Variants in ZNF76 observed in about 807,000 individuals in gnomAD.
The protein encoded by ZNF76 is zinc finger protein 523.
In ZNF76, 66 loss-of-function variants were observed where a neutral mutation model predicts 66.9. The ratio of observed to expected loss-of-function variants is 0.99; its 90% confidence interval spans 0.81 to 1.21. The LOEUF (loss-of-function observed/expected upper bound fraction) is 1.21. ZNF76 is among the 50% of genes most tolerant of loss of function. The pLI, the probability that ZNF76 is intolerant of heterozygous loss-of-function variation, is 0.00. For synonymous variants in ZNF76, 275 were observed against 296.1 expected, an observed-to-expected ratio of 0.93 and a Z score of 0.73; for missense variants, 729 against 760.3, an observed-to-expected ratio of 0.96 and a Z score of 0.48.
rs1333417243 is a variant in ZNF76 at position 35,286,496 on chromosome 6, G to A, written c.232+97G>A. ...GGATGGGATGGCACACAACTGGGGTGTAGACATGGGAGCTGTCATCTCCAT... is the reference window on the plus strand; with the variant it reads ...GGATGGGATGGCACACAACTGGGGTATAGACATGGGAGCTGTCATCTCCAT... On this transcript the variant is annotated intron_variant, in intron 4 of 13. Transcript: ENST00000373953. 10 of 1,129,312 alleles carry A rather than the reference G, an allele frequency of 8.9e-6. No individual in the cohort carries two copies. In the South Asian group the frequency reaches 1.0e-4, roughly 11 times the overall value. 70.0% of individuals were successfully genotyped at this position (1,129,312 alleles called of 1,614,324 possible). A position where few individuals can be genotyped will look rare whatever the true frequency, so the allele number is the denominator to read the frequency against.
At chr6:35,270,920 T>A (rs1411564650) in intron 1 of ZNF76, among the ~76,000 whole-genome samples, 1 of 152,166 alleles carries the variant, frequency 6.6e-6, no homozygotes, top group Non-Finnish European at 1.5e-5. Context: ...AGGCAGAGGT[T>A]GCAGTGAGCC....
intron 1 of ZNF76, among the ~76,000 whole-genome samples, chr6:35,268,561 G>A (rs1786506679): frequency 6.6e-6 from 1 of 152,084 alleles, no homozygotes. Flanking sequence ...CCGCACTTTG[G>A]GAGGCTGAGA....
chr6:35,285,252 A>G (rs1242637933), intron 2 of ZNF76, among the ~76,000 whole-genome samples: 1 of 152,212 alleles, frequency 6.6e-6, no homozygotes, highest in Non-Finnish European at 1.5e-5. Flanking sequence ...AATTGAAATG[A>G]AAAATGAGAG....
At chr6:35,286,301 C>G (rs771327528) in intron 3 of ZNF76, 21 bp from the exon 4 acceptor site, 1 of 1,614,024 alleles carries the variant, frequency 6.2e-7, no homozygotes, top group Non-Finnish European at 8.5e-7. Context: ...CAGGGAAAGG[C>G]AGGCATTGCT....
intron 1 of ZNF76, among the ~76,000 whole-genome samples, chr6:35,261,553 C>G (rs895942647): frequency 2.0e-5 from 3 of 152,114 alleles, no homozygotes; most frequent in Non-Finnish European, 4.4e-5. Context: ...GAACCAGAAA[C>G]TCTCACAGCT....
intron 12 of ZNF76, 69 bp from the exon 13 acceptor site, chr6:35,294,387 T>C (rs1181905533): frequency 9.5e-7 from 1 of 1,051,350 alleles, no homozygotes; most frequent in Admixed American, 1.7e-5. Context: ...ATTGGAGGGA[T>C]GTTTATTTGG....
At chr6:35,294,886 C>T in intron 13 of ZNF76, 1 of 574,886 alleles carries the variant, frequency 1.7e-6, no homozygotes. Flanking sequence ...CACCACGGTT[C>T]TCTTCAGCCA....
At chr6:35,267,078 C>T (rs958495524) in intron 1 of ZNF76, among the ~76,000 whole-genome samples, 3 of 151,836 alleles carry the variant, frequency 2.0e-5, no homozygotes, top group Non-Finnish European at 2.9e-5. Flanking sequence ...GGATTACAGG[C>T]TTGAGCCACT....
intron 3 of ZNF76, 47 bp downstream of exon 3, chr6:35,286,255 G>A (rs1468398253): frequency 6.2e-7 from 1 of 1,612,274 alleles, no homozygotes; most frequent in Admixed American, 1.7e-5. Context: ...AAGCCTGACA[G>A]CCCCCACCAA....
intron 12 of ZNF76, 59 bp from the exon 13 acceptor site, chr6:35,294,397 G>A: frequency 8.5e-7 from 1 of 1,170,154 alleles, no homozygotes; most frequent in Non-Finnish European, 1.3e-6. Context: ...TGTTTATTTG[G>A]ATTGTGGGGA....
chr6:35,273,337 TA>T (rs1348810071), intron 1 of ZNF76, among the ~76,000 whole-genome samples: 2 of 150,242 alleles, frequency 1.3e-5, no homozygotes, highest in Non-Finnish European at 3.0e-5. Context: ...CACACCTGGC[TA>T]ATTTTCGTAT....
chr6:35,274,402 A>G (rs1787579330), intron 1 of ZNF76, among the ~76,000 whole-genome samples: 1 of 152,268 alleles, frequency 6.6e-6, no homozygotes, highest in Non-Finnish European at 1.5e-5. Context: ...TAGTCAGCAC[A>G]GCCCAGCTTG....
rs1791081262 is a variant in ZNF76, at chr6:35,295,623, A to G, written c.*375A>G. The G allele has an allele frequency of 1.3e-5, 4 of 315,794 alleles. No individual in the cohort carries two copies. The Admixed American group carries it at 1.6e-4, about 12-fold the overall frequency. 19.6% of individuals were successfully genotyped at this position (315,794 alleles called of 1,614,324 possible). On this transcript the variant is annotated 3_prime_UTR_variant, in exon 14 of 14. Transcript: ENST00000373953. Reference sequence around the variant, plus strand: ...GGGACTGGCCCTGTAGGGTTGAGCCACAGACAGCTCTTCAGCCCAGTAGCA... The same window carrying G: ...GGGACTGGCCCTGTAGGGTTGAGCCGCAGACAGCTCTTCAGCCCAGTAGCA...
intron 4 of ZNF76, chr6:35,286,677 G>T (rs1371233007): frequency 3.7e-6 from 2 of 539,154 alleles, no homozygotes; most frequent in Non-Finnish European, 6.7e-6. Context: ...AAAGTCTTAG[G>T]GCTTTAAATA....
chr6:35,288,322 G>A (rs564061754), intron 5 of ZNF76: 10 of 363,224 alleles, frequency 2.8e-5, no homozygotes, highest in Non-Finnish European at 4.9e-5. Flanking sequence ...ACAAGGGCAT[G>A]TGCAACAGAA....
At chr6:35,294,011 C>T in intron 12 of ZNF76, 96 bp downstream of exon 12, 2 of 1,420,054 alleles carry the variant, frequency 1.4e-6, no homozygotes, top group Non-Finnish European at 1.9e-6. Context: ...AGTCTTCTTA[C>T]CAGGACAAAG....
At position 35,285,752 on chromosome 6, in the gene ZNF76, A is replaced by G. The variant is rs1184657677; in HGVS notation, c.74-376A>G. 3.3e-5 allele frequency among the ~76,000 whole-genome samples: 5 copies of G among 152,348 alleles called. No homozygotes were observed. In the South Asian group the frequency reaches 6.2e-4, roughly 19 times the overall value. ...TGTTTTGATTTTGTTAGTTTGAGCT[A>G]TATCTGAATTTTGACCCACTGGGGC... On this transcript the variant is annotated intron_variant, in intron 2 of 13. Transcript: ENST00000373953.
intron 1 of ZNF76, among the ~76,000 whole-genome samples, chr6:35,263,514 G>T (rs1052746896): frequency 7.9e-5 from 12 of 152,150 alleles, no homozygotes; most frequent in South Asian, 2.1e-4. Flanking sequence ...AAATTCCCAG[G>T]TCTCTTATAA....
At chr6:35,267,975 T>A (rs1388252813) in intron 1 of ZNF76, among the ~76,000 whole-genome samples, 1 of 152,190 alleles carries the variant, frequency 6.6e-6, no homozygotes, top group Non-Finnish European at 1.5e-5. Context: ...AGCTCACAGT[T>A]CTGTGGTAGA....
Sources: gnomAD v4.1 joint callset for allele counts (sites outside exome capture counted in the v4.1 genomes callset) on GRCh38, gnomAD v4.1.1 for gene constraint, MANE v1.5 for transcripts, NCBI Gene and HGNC (gene_info 2026-07-23, HGNC 2026-07-21) for gene names.